CNTN6: variants seen among roughly 807,000 people sequenced by gnomAD.
CNTN6 encodes contactin 6.
A neutral mutation model predicts 122.8 loss-of-function variants in CNTN6; 137 were observed. The observed-to-expected ratio is 1.12, with a 90% confidence interval of 0.97 to 1.29. The LOEUF (loss-of-function observed/expected upper bound fraction) is 1.29. Among genes scored for constraint, CNTN6 ranks in the 50% most tolerant of loss-of-function variants. CNTN6 has a pLI of 0.00. For missense variants in CNTN6, 1,634 were observed against 1,223.4 expected (o/e 1.34, Z -5.01); for synonymous variants, 570 against 426.0 (o/e 1.34, Z -4.16).
At chr3:1,366,300 A>G (rs1184610546) in intron 12 of CNTN6, among the ~76,000 whole-genome samples, 2 of 152,134 alleles carry the variant, frequency 1.3e-5, no homozygotes, top group South Asian at 4.1e-4. Flanking sequence ...CAAACGATAG[A>G]GTCTAGCGTA....
At chr3:1,177,102 G>A (rs2093465275) in intron 2 of CNTN6, among the ~76,000 whole-genome samples, 1 of 152,126 alleles carries the variant, frequency 6.6e-6, no homozygotes, top group African/African-American at 2.4e-5. Flanking sequence ...TTCCAACTGG[G>A]AACCCTTCTC....
chr3:1,324,196 G>T (rs1701232969), intron 8 of CNTN6, among the ~76,000 whole-genome samples: 2 of 149,156 alleles, frequency 1.3e-5, no homozygotes, highest in Admixed American at 6.6e-5. Flanking sequence ...GTAATCCTAG[G>T]CTTAGTTCCC....
At chr3:1,166,982 C>G (rs921108216) in intron 2 of CNTN6, among the ~76,000 whole-genome samples, 1 of 151,260 alleles carries the variant, frequency 6.6e-6, no homozygotes, top group African/African-American at 2.4e-5. Context: ...AGCAAACCAC[C>G]ATGACACATG....
At chr3:1,279,491 G>T (rs972060742) in intron 5 of CNTN6, among the ~76,000 whole-genome samples, 1 of 152,154 alleles carries the variant, frequency 6.6e-6, no homozygotes, top group African/African-American at 2.4e-5. Context: ...AGATATATGA[G>T]TATAATTATT....
In CNTN6 at chr3:1,099,307, A is replaced by C. The variant is rs9858889; in HGVS notation, c.-83+6187A>C. Among the ~76,000 whole-genome samples the C allele has an allele frequency of 8.2e-3, 1,235 of 151,196 alleles. 8 individuals are homozygous for C. The highest frequency in any genetic ancestry group is 0.023 in the South Asian group (106 of 4,678). On this transcript the variant is annotated intron_variant, in intron 1 of 22. Coordinates refer to ENST00000446702, the MANE Select transcript of CNTN6 (RefSeq NM_001289080.2). ...TCTACCAAAAATACAAAAAATTAGC[A>C]GGGTGTGGTGGCGGGCGCCTGTAGT...
rs564756655 is a variant in CNTN6, at chr3:1,381,226, C to G, written c.2167-1716C>G. 5.9e-5 allele frequency among the ~76,000 whole-genome samples: 9 copies of G among 152,312 alleles called. No individual in the cohort carries two copies. The South Asian group carries it at 1.9e-3, about 32-fold the overall frequency. On this transcript the variant is annotated intron_variant, in intron 17 of 22. Transcript: ENST00000446702. ...ATGAATCAAATGCTCTAGCAAGTAG[C>G]ATCGATTCTTATAAATCTCTTCCAT... is the stretch of plus-strand genomic sequence containing the variant.
chr3:1,336,392 C>T (rs1254498027), intron 11 of CNTN6, among the ~76,000 whole-genome samples: 1 of 151,904 alleles, frequency 6.6e-6, no homozygotes, highest in African/African-American at 2.4e-5. Context: ...CCCTAGTAAT[C>T]TCAAAAAGTT....
intron 1 of CNTN6, among the ~76,000 whole-genome samples, chr3:1,099,225 G>T (rs898676233): frequency 3.9e-5 from 6 of 152,114 alleles, no homozygotes; most frequent in Admixed American, 2.0e-4. Flanking sequence ...GCCGAGGCGG[G>T]CGGATCACGA....
chr3:1,169,851 A>G (rs1490393576), intron 2 of CNTN6, among the ~76,000 whole-genome samples: 1 of 152,222 alleles, frequency 6.6e-6, no homozygotes, highest in African/African-American at 2.4e-5. Flanking sequence ...TTTGATAAAT[A>G]ATCAAATATT....
chr3:1,218,666 A>G (rs527842294), intron 2 of CNTN6, among the ~76,000 whole-genome samples: 36 of 152,282 alleles, frequency 2.4e-4, no homozygotes, highest in African/African-American at 8.4e-4. Flanking sequence ...CCTAAATGGG[A>G]GTTGCAAATA....
chr3:1,380,433 T>A (rs1264064016), intron 17 of CNTN6, among the ~76,000 whole-genome samples: 1 of 152,196 alleles, frequency 6.6e-6, no homozygotes, highest in Non-Finnish European at 1.5e-5. Flanking sequence ...AATTCCTTTT[T>A]AAGGGCATGT....
At chr3:1,392,719 A>G (rs1231811175) in intron 20 of CNTN6, among the ~76,000 whole-genome samples, 3 of 140,774 alleles carry the variant, frequency 2.1e-5, no homozygotes, top group African/African-American at 5.1e-5. Context: ...AGAAAAAAAC[A>G]AACAACCCCA....
At chr3:1,208,687 A>G (rs2093991807) in intron 2 of CNTN6, among the ~76,000 whole-genome samples, 1 of 152,080 alleles carries the variant, frequency 6.6e-6, no homozygotes, top group African/African-American at 2.4e-5. Flanking sequence ...CCCTTTAGCT[A>G]TTTGATATTG....
At chr3:1,275,909 A>AT (rs1559681026) in intron 4 of CNTN6, among the ~76,000 whole-genome samples, 1 of 152,146 alleles carries the variant, frequency 6.6e-6, no homozygotes, top group Non-Finnish European at 1.5e-5. Flanking sequence ...TGGTTTTGGG[A>AT]TTGGAGATCC....
intron 2 of CNTN6, among the ~76,000 whole-genome samples, chr3:1,168,324 GGTAA>G (rs145943178): frequency 0.017 from 2,512 of 149,916 alleles, 63 homozygotes; most frequent in African/African-American, 0.057. Flanking sequence ...CCCAGTAAAT[GGTAA>G]GTGAGACAGG....
chr3:1,402,373 C>T lies in CNTN6; in HGVS notation c.2873C>T (p.Thr958Ile), dbSNP rs575033115. 66 of 1,612,308 alleles carry T rather than the reference C, an allele frequency of 4.1e-5. 1 individual carries two copies. The South Asian group carries it at 4.8e-4, about 12-fold the overall frequency. ...SKTHILETNN[T>I]SAELLVPFEE... ...ACTCATATTTTGGAAACAAACAATACATCAGCTGAGCTTCTGGTTCCATTT... is the reference window on the plus strand; with the variant it reads ...ACTCATATTTTGGAAACAAACAATATATCAGCTGAGCTTCTGGTTCCATTT... The change falls in exon 22 of 23, where the codon ACA (threonine) becomes ATA (isoleucine). Residue 958 changes from threonine (T) to isoleucine (I), a missense_variant. By Grantham distance (89) the Thr-to-Ile change is moderately conservative. Transcript: ENST00000446702.
intron 7 of CNTN6, among the ~76,000 whole-genome samples, chr3:1,312,395 C>G (rs1164377796): frequency 6.6e-6 from 1 of 151,982 alleles, no homozygotes; most frequent in East Asian, 1.9e-4. Context: ...CCACCTCTCT[C>G]AGGAGACCCA....
At chr3:1,230,216 CAGAG>C (rs963825277) in intron 4 of CNTN6, among the ~76,000 whole-genome samples, 3 of 152,114 alleles carry the variant, frequency 2.0e-5, no homozygotes, top group Non-Finnish European at 4.4e-5. Context: ...TTTTGGGAAA[CAGAG>C]AGGTGTGAGT....
chr3:1,264,253 T>C (rs1425256159), intron 4 of CNTN6, among the ~76,000 whole-genome samples: 2 of 152,130 alleles, frequency 1.3e-5, no homozygotes, highest in African/African-American at 4.8e-5. Flanking sequence ...ACACATTTTG[T>C]GGAAAGGCGC....
Sources: allele counts gnomAD v4.1 joint callset (sites outside exome capture counted in the v4.1 genomes callset), GRCh38; gene constraint gnomAD v4.1.1; transcripts MANE v1.5; gene names NCBI Gene and HGNC (gene_info 2026-07-23, HGNC 2026-07-21).